Variants in GCNT1 observed in about 807,000 individuals in gnomAD.
GCNT1 encodes the protein beta-1,3-galactosyl-O-glycosyl-glycoprotein beta-1,6-N-acetylglucosaminyltransferase.
A neutral mutation model predicts 26.2 loss-of-function variants in GCNT1; 16 were observed. The ratio of observed to expected loss-of-function variants is 0.61; its 90% confidence interval spans 0.41 to 0.93. The LOEUF (loss-of-function observed/expected upper bound fraction) is 0.93, where lower values mean the gene tolerates loss of function less well. Among genes scored for constraint, GCNT1 ranks in the 40% least tolerant of loss-of-function variants. GCNT1 has a pLI of 0.00. For missense variants in GCNT1, 477 were observed against 526.7 expected (o/e 0.91, Z 0.92); for synonymous variants, 183 against 190.8 (o/e 0.96, Z 0.34).
chr9:76,428,122 C>T (rs953944898), intron 1 of GCNT1, among the ~76,000 whole-genome samples: 4 of 151,342 alleles, frequency 2.6e-5, no homozygotes, highest in African/African-American at 7.3e-5. Context: ...AAAAATTAGC[C>T]GCGCGTGGTG....
chr9:76,446,813 A>G (rs1431384571), intron 1 of GCNT1, among the ~76,000 whole-genome samples: 1 of 152,232 alleles, frequency 6.6e-6, no homozygotes, highest in Admixed American at 6.5e-5. Context: ...TGGGCCAAGC[A>G]TAGTGGCTTG....
chr9:76,459,636 AAC>A (rs1812013852), intron 1 of GCNT1, among the ~76,000 whole-genome samples: 1 of 152,284 alleles, frequency 6.6e-6, no homozygotes, highest in East Asian at 1.9e-4. Flanking sequence ...GCAGGGAACG[AAC>A]AGACTCGCTG....
At chr9:76,417,686 T>C (rs1302549353), upstream of GCNT1, among the ~76,000 whole-genome samples, 1 of 152,226 alleles carries the variant, frequency 6.6e-6, no homozygotes, top group Non-Finnish European at 1.5e-5. Context: ...AGGCCCTGCT[T>C]AAGTTTGGAT....
chr9:76,403,103 A>C, the GCNT1 span, among the ~76,000 whole-genome samples: 1 of 152,186 alleles, frequency 6.6e-6, no homozygotes, highest in Non-Finnish European at 1.5e-5. Context: ...ATGAGACACT[A>C]AAAATATCTC....
intron 2 of GCNT1, among the ~76,000 whole-genome samples, chr9:76,464,015 G>A (rs1276600667): frequency 1.3e-5 from 2 of 150,842 alleles, no homozygotes; most frequent in Admixed American, 6.6e-5. Flanking sequence ...GGTCAACATA[G>A]CGAGACTCCC....
chr9:76,471,700 G>C (rs1305634834), intron 2 of GCNT1, among the ~76,000 whole-genome samples: 2 of 152,154 alleles, frequency 1.3e-5, no homozygotes, highest in African/African-American at 4.8e-5. Context: ...TGACCATTTT[G>C]AGGCATGTCC....
chr9:76,468,629 T>G (rs1295628279), intron 2 of GCNT1, among the ~76,000 whole-genome samples: 1 of 152,206 alleles, frequency 6.6e-6, no homozygotes, highest in African/African-American at 2.4e-5. Context: ...GTTCTTTTGT[T>G]GCCAGATACG....
intron 2 of GCNT1, among the ~76,000 whole-genome samples, chr9:76,486,700 CAG>C (rs1427926878): frequency 6.6e-6 from 1 of 152,134 alleles, no homozygotes; most frequent in Non-Finnish European, 1.5e-5. Flanking sequence ...TTATCTTAAA[CAG>C]AGTATGCTTT....
chr9:76,478,366 G>A (rs748797037), intron 2 of GCNT1, among the ~76,000 whole-genome samples: 12 of 152,258 alleles, frequency 7.9e-5, no homozygotes, highest in Admixed American at 4.6e-4. Flanking sequence ...GAGCTGTAAC[G>A]CTCACTGCGA....
intron 2 of GCNT1, among the ~76,000 whole-genome samples, chr9:76,496,431 G>C (rs1824908312): frequency 6.6e-6 from 1 of 152,150 alleles, no homozygotes; most frequent in Non-Finnish European, 1.5e-5. Context: ...GTCAGCCTGG[G>C]ATTTGTGCAT....
chr9:76,447,789 A>G (rs189256574), intron 1 of GCNT1, among the ~76,000 whole-genome samples: 103 of 152,310 alleles, frequency 6.8e-4, no homozygotes, highest in Admixed American at 2.5e-3. Context: ...AGCTTTAAAA[A>G]AACTCTGTGA....
At chr9:76,421,438 T>TA (rs1195650838) in intron 1 of GCNT1, among the ~76,000 whole-genome samples, 5 of 150,696 alleles carry the variant, frequency 3.3e-5, no homozygotes, top group African/African-American at 9.8e-5. Context: ...CATCTCTATT[T>TA]AAAAAAAATA....
At position 76,501,049 on chromosome 9, in the gene GCNT1, T is replaced by A. The variant is rs1429014055; in HGVS notation, c.-156T>A. On this transcript the variant is annotated 5_prime_UTR_variant, in exon 3 of 4. Coordinates refer to ENST00000376730, the MANE Select transcript of GCNT1 (RefSeq NM_001490.5). Reference sequence around the variant, plus strand: ...CAGCACTAAGTGATTCAGACTTTCCTTACTTTTAAATGGTAAAAAGTCTAA... The same window carrying A: ...CAGCACTAAGTGATTCAGACTTTCCATACTTTTAAATGGTAAAAAGTCTAA... The A allele has an allele frequency of 6.6e-6, 1 of 152,234 alleles. No homozygotes were observed. The highest frequency in any genetic ancestry group is 2.4e-5 in the African/African-American group (1 of 41,454). 9.4% of individuals were successfully genotyped at this position (152,234 alleles called of 1,614,324 possible). A position where few individuals can be genotyped will look rare whatever the true frequency, so the allele number is the denominator to read the frequency against.
At chr9:76,415,241 G>A (rs1823122757), upstream of GCNT1, among the ~76,000 whole-genome samples, 1 of 152,066 alleles carries the variant, frequency 6.6e-6, no homozygotes, top group Non-Finnish European at 1.5e-5. Flanking sequence ...ATTTCTTGTG[G>A]AGACAGAGTT....
intron 1 of GCNT1, among the ~76,000 whole-genome samples, chr9:76,422,268 C>T (rs540178905): frequency 1.2e-3 from 176 of 152,200 alleles, no homozygotes; most frequent in Non-Finnish European, 2.1e-3. Context: ...CCATATCAGC[C>T]ATGTTGCCCA....
chr9:76,396,584 G>T, the GCNT1 span, among the ~76,000 whole-genome samples: 13 of 152,364 alleles, frequency 8.5e-5, no homozygotes, highest in South Asian at 2.7e-3. Context: ...GCTCATGCCT[G>T]TAATCCCAGC....
chr9:76,493,644 C>A (rs547133745), intron 2 of GCNT1, among the ~76,000 whole-genome samples: 3 of 151,808 alleles, frequency 2.0e-5, no homozygotes, highest in African/African-American at 7.3e-5. Context: ...TCCTTCTGGG[C>A]GGGGGAGATT....
At chr9:76,448,775 C>T (rs1311565663) in intron 1 of GCNT1, among the ~76,000 whole-genome samples, 2 of 152,154 alleles carry the variant, frequency 1.3e-5, no homozygotes, top group Non-Finnish European at 2.9e-5. Flanking sequence ...GAGATTCATC[C>T]ATGTTGAAGT....
intron 1 of GCNT1, among the ~76,000 whole-genome samples, chr9:76,445,541 C>T (rs1007463606): frequency 6.6e-6 from 1 of 152,050 alleles, no homozygotes; most frequent in Middle Eastern, 3.4e-3. Flanking sequence ...TCATGTACCA[C>T]CAAGCCCAGC....
Sources: allele counts gnomAD v4.1 joint callset (sites outside exome capture counted in the v4.1 genomes callset), GRCh38; gene constraint gnomAD v4.1.1; transcripts MANE v1.5; gene names NCBI Gene and HGNC (gene_info 2026-07-23, HGNC 2026-07-21).